NCKAP5: variants seen among roughly 807,000 people sequenced by gnomAD.
NCKAP5 encodes the protein NCK associated protein 5, also known as nck-associated protein 5.
A neutral mutation model predicts 167.0 loss-of-function variants in NCKAP5; 92 were observed. That is an observed-to-expected ratio of 0.55 (90% CI 0.47 to 0.66). The LOEUF (loss-of-function observed/expected upper bound fraction) is 0.66. Among genes scored for constraint, NCKAP5 ranks in the 30% least tolerant of loss-of-function variants. The pLI is 0.00. For missense variants in NCKAP5, 2,378 were observed against 2,315.0 expected, an observed-to-expected ratio of 1.03 and a Z score of -0.56; for synonymous variants, 891 against 877.4, an observed-to-expected ratio of 1.02 and a Z score of -0.27.
intron 3 of NCKAP5, among the ~76,000 whole-genome samples, chr2:133,374,356 T>C (rs1459020796): frequency 1.3e-5 from 2 of 152,220 alleles, no homozygotes; most frequent in African/African-American, 4.8e-5. Context: ...GGGAAGGGAC[T>C]GGGCACAGAG....
At position 133,009,246 on chromosome 2, in the gene NCKAP5, C is replaced by A. The variant is rs745479812; in HGVS notation, c.342-15007G>T. Among the ~76,000 whole-genome samples the A allele has an allele frequency of 2.6e-5, 4 of 152,058 alleles. No individual in the cohort carries two copies. In the South Asian group the frequency reaches 6.2e-4, roughly 24 times the overall value. On this transcript the variant is annotated intron_variant, in intron 6 of 19. Transcript: ENST00000409261. ...TTCTCCTAACTTATTCATAGACTACCCTGGCATGGTTACATACGAACAAAA... is the reference window on the plus strand; with the variant it reads ...TTCTCCTAACTTATTCATAGACTACACTGGCATGGTTACATACGAACAAAA...
chr2:132,847,080 A>G (rs1688717986), intron 11 of NCKAP5, among the ~76,000 whole-genome samples: 1 of 152,194 alleles, frequency 6.6e-6, no homozygotes, highest in African/African-American at 2.4e-5. Context: ...AATGGGCCAT[A>G]TTTATATTAT....
At chr2:133,517,316 T>C (rs897117600) in intron 3 of NCKAP5, 142 bp downstream of exon 3, 2 of 439,240 alleles carry the variant, frequency 4.6e-6, no homozygotes, top group Non-Finnish European at 4.0e-6. Context: ...AAAAAATAAA[T>C]GAAACAAAAT....
intron 3 of NCKAP5, among the ~76,000 whole-genome samples, chr2:133,321,057 T>C (rs1001772184): frequency 6.6e-6 from 1 of 152,158 alleles, no homozygotes; most frequent in Non-Finnish European, 1.5e-5. Flanking sequence ...TGCTATCCAC[T>C]AAAGAAGTGG....
At chr2:133,042,049 A>C (rs900615442) in intron 6 of NCKAP5, among the ~76,000 whole-genome samples, 1 of 152,146 alleles carries the variant, frequency 6.6e-6, no homozygotes, top group Non-Finnish European at 1.5e-5. Flanking sequence ...TTTATGACAT[A>C]CTTGATGATT....
chr2:133,398,229 C>G (rs1226821513), intron 3 of NCKAP5, among the ~76,000 whole-genome samples: 1 of 152,070 alleles, frequency 6.6e-6, no homozygotes, highest in Non-Finnish European at 1.5e-5. Flanking sequence ...AAAGGAAACC[C>G]TCAATAGGAG....
intron 3 of NCKAP5, among the ~76,000 whole-genome samples, chr2:133,475,015 G>T (rs187247448): frequency 6.6e-6 from 1 of 151,944 alleles, no homozygotes; most frequent in Non-Finnish European, 1.5e-5. Context: ...TTCACCATGC[G>T]GACCAGGCTG....
intron 11 of NCKAP5, among the ~76,000 whole-genome samples, chr2:132,825,044 T>C (rs1255850156): frequency 6.6e-6 from 1 of 152,196 alleles, no homozygotes; most frequent in African/African-American, 2.4e-5. Flanking sequence ...TAGTTTCAGT[T>C]TCAGACAAGG....
At chr2:132,729,378 G>A (rs1235298237) in intron 17 of NCKAP5, among the ~76,000 whole-genome samples, 2 of 152,202 alleles carry the variant, frequency 1.3e-5, no homozygotes, top group East Asian at 3.9e-4. Context: ...GAGAGGATTT[G>A]AATTTGCAGG....
chr2:133,036,206 G>C (rs574333612), intron 6 of NCKAP5, among the ~76,000 whole-genome samples: 1 of 151,838 alleles, frequency 6.6e-6, no homozygotes, highest in Non-Finnish European at 1.5e-5. Context: ...AGAAGAACTT[G>C]GGACCCGATG....
chr2:133,581,784 G>A, the NCKAP5 span, among the ~76,000 whole-genome samples: 1 of 152,176 alleles, frequency 6.6e-6, no homozygotes, highest in Admixed American at 6.5e-5. Flanking sequence ...GTCTGAAATG[G>A]AGCTGAAAGT....
chr2:132,712,806 A>T (rs1433839396), intron 19 of NCKAP5, among the ~76,000 whole-genome samples: 1 of 152,186 alleles, frequency 6.6e-6, no homozygotes, highest in Admixed American at 6.5e-5. Flanking sequence ...GTTAAGGGAT[A>T]AGCAGCAGAG....
chr2:133,273,900 A>T (rs1039581372), intron 4 of NCKAP5, among the ~76,000 whole-genome samples: 2 of 151,808 alleles, frequency 1.3e-5, no homozygotes, highest in Non-Finnish European at 2.9e-5. Context: ...GGTTTAAAAA[A>T]AAATAAATTA....
intron 3 of NCKAP5, among the ~76,000 whole-genome samples, chr2:133,437,481 C>A (rs1446595137): frequency 6.6e-6 from 1 of 152,168 alleles, no homozygotes; most frequent in African/African-American, 2.4e-5. Context: ...GGACACATAG[C>A]CACTTGTAAA....
chr2:133,465,925 G>C (rs1256609418), intron 3 of NCKAP5, among the ~76,000 whole-genome samples: 1 of 148,334 alleles, frequency 6.7e-6, no homozygotes, highest in Non-Finnish European at 1.5e-5. Flanking sequence ...TGTCAGATGA[G>C]TAGGTTGCGA....
intron 16 of NCKAP5, among the ~76,000 whole-genome samples, chr2:132,755,854 A>AAATAATAATAATAAT (rs56967710): frequency 0.052 from 7,539 of 143,684 alleles, 349 homozygotes; most frequent in African/African-American, 0.12. Context: ...CTAAATGGCA[A>AAATAATAATAATAAT]AATAATAATA....
intron 3 of NCKAP5, among the ~76,000 whole-genome samples, chr2:133,451,909 G>T (rs1174500618): frequency 6.6e-6 from 1 of 152,158 alleles, no homozygotes; most frequent in Non-Finnish European, 1.5e-5. Flanking sequence ...ATTGTGTGTT[G>T]TCTTCCCTCA....
At chr2:133,032,445 C>G (rs775817898) in intron 6 of NCKAP5, among the ~76,000 whole-genome samples, 1 of 152,164 alleles carries the variant, frequency 6.6e-6, no homozygotes, top group Non-Finnish European at 1.5e-5. Context: ...AGCCACAGTA[C>G]AATAGAACAC....
chr2:132,869,791 GACA>G (rs1415180105), intron 9 of NCKAP5, among the ~76,000 whole-genome samples: 3 of 152,150 alleles, frequency 2.0e-5, no homozygotes, highest in African/African-American at 7.2e-5. Flanking sequence ...CAGCTACCCT[GACA>G]ACAACAGTCA....
Sources: allele counts gnomAD v4.1 joint callset (sites outside exome capture counted in the v4.1 genomes callset), GRCh38; gene constraint gnomAD v4.1.1; transcripts MANE v1.5; gene names NCBI Gene and HGNC (gene_info 2026-07-23, HGNC 2026-07-21).